SGCZ: variants seen among roughly 807,000 people sequenced by gnomAD.
SGCZ encodes the protein sarcoglycan zeta.
Under a neutral mutation model 41.3 loss-of-function variants are expected in SGCZ, and 40 were observed. The observed-to-expected ratio is 0.97, with a 90% CI of 0.75 to 1.26. The LOEUF (loss-of-function observed/expected upper bound fraction) is 1.26. SGCZ is among the 50% of genes most tolerant of loss of function. The pLI is 0.00. For missense variants in SGCZ, 552 were observed against 369.8 expected (o/e 1.49, Z -4.04); for synonymous variants, 206 against 137.5 (o/e 1.50, Z -3.49).
intron 1 of SGCZ, among the ~76,000 whole-genome samples, chr8:15,025,009 T>C (rs1387026975): frequency 6.6e-6 from 1 of 151,858 alleles, no homozygotes; most frequent in African/African-American, 2.4e-5. Context: ...AGCAAAGTCC[T>C]GAGCAAAGAT....
At chr8:14,455,244 A>G (rs1028074923) in intron 2 of SGCZ, among the ~76,000 whole-genome samples, 1 of 152,212 alleles carries the variant, frequency 6.6e-6, no homozygotes, top group Non-Finnish European at 1.5e-5. Flanking sequence ...ATAAATTAAT[A>G]TTTCAAAATG....
At chr8:14,230,393 C>T (rs2117146537) in intron 4 of SGCZ, among the ~76,000 whole-genome samples, 1 of 152,218 alleles carries the variant, frequency 6.6e-6, no homozygotes, top group African/African-American at 2.4e-5. Flanking sequence ...CAATACCTTA[C>T]TATATGTTAA....
chr8:14,410,992 A>G (rs1358827838), intron 2 of SGCZ, among the ~76,000 whole-genome samples: 3 of 152,152 alleles, frequency 2.0e-5, no homozygotes, highest in Non-Finnish European at 2.9e-5. Context: ...TTTAAAAACA[A>G]GATTCAGAAA....
At chr8:15,230,899 T>C (rs2117206657) in intron 1 of SGCZ, among the ~76,000 whole-genome samples, 1 of 152,332 alleles carries the variant, frequency 6.6e-6, no homozygotes, top group Non-Finnish European at 1.5e-5. Context: ...CGTGCAATGC[T>C]TGAGAATCCC....
intron 1 of SGCZ, among the ~76,000 whole-genome samples, chr8:15,097,824 ATATATATATACGTG>A (rs1806417139): frequency 5.1e-5 from 4 of 78,446 alleles, no homozygotes; most frequent in Admixed American, 3.1e-4. Flanking sequence ...ACGTGTGTGT[ATATATATATACGTG>A]TGTGTATATA....
Position 14,498,638 on chromosome 8 carries a change from C to A in SGCZ, c.234+56094G>T, listed in dbSNP as rs1315847136. Among the ~76,000 whole-genome samples the A allele has an allele frequency of 2.0e-5, 3 of 152,072 alleles. No homozygotes were observed. The East Asian group carries it at 5.8e-4, about 29-fold the overall frequency. Reference sequence around the variant, plus strand: ...ATTTCCTTTTAACTTTTTCTACATTCATGAGCTATTATTTTAGTGGTTATA... The same window carrying A: ...ATTTCCTTTTAACTTTTTCTACATTAATGAGCTATTATTTTAGTGGTTATA... On this transcript the variant is annotated intron_variant, in intron 2 of 7. Transcript: ENST00000382080.
At chr8:14,128,962 T>C (rs1802949199) in intron 5 of SGCZ, among the ~76,000 whole-genome samples, 1 of 151,998 alleles carries the variant, frequency 6.6e-6, no homozygotes, top group African/African-American at 2.4e-5. Flanking sequence ...AGGGATGAAA[T>C]CCTACCTATT....
At chr8:14,577,384 CT>C (rs57432939) in intron 1 of SGCZ, among the ~76,000 whole-genome samples, 4,227 of 111,766 alleles carry the variant, frequency 0.038, 121 homozygotes, top group African/African-American at 0.13. Context: ...AGAAATATAT[CT>C]TTTTTTTTTT....
At chr8:14,453,089 C>T (rs949505615) in intron 2 of SGCZ, among the ~76,000 whole-genome samples, 10 of 152,062 alleles carry the variant, frequency 6.6e-5, no homozygotes, top group African/African-American at 2.4e-4. Flanking sequence ...GCCTGGGTGA[C>T]AGAGCAAGAC....
intron 1 of SGCZ, among the ~76,000 whole-genome samples, chr8:14,590,859 A>G (rs955456343): frequency 8.1e-5 from 12 of 148,594 alleles, no homozygotes; most frequent in Non-Finnish European, 1.6e-4. Context: ...ATAATATGTC[A>G]TATATTATAA....
intron 1 of SGCZ, among the ~76,000 whole-genome samples, chr8:15,064,965 G>A (rs1324370816): frequency 6.6e-6 from 1 of 151,968 alleles, no homozygotes; most frequent in African/African-American, 2.4e-5. Flanking sequence ...ATTTTTTCCT[G>A]TGTCATTTCC....
At chr8:15,005,552 A>G (rs1198999021) in intron 1 of SGCZ, among the ~76,000 whole-genome samples, 1 of 124,546 alleles carries the variant, frequency 8.0e-6, no homozygotes, top group Non-Finnish European at 1.8e-5. Context: ...GCTGGTCTCG[A>G]ACTCCTGACC....
chr8:15,044,004 A>G (rs1338694764), intron 1 of SGCZ, among the ~76,000 whole-genome samples: 1 of 152,166 alleles, frequency 6.6e-6, no homozygotes, highest in Non-Finnish European at 1.5e-5. Flanking sequence ...TTCAATGCAG[A>G]GAACTCCAAA....
intron 1 of SGCZ, among the ~76,000 whole-genome samples, chr8:14,936,762 G>A (rs1800097322): frequency 6.6e-6 from 1 of 151,818 alleles, no homozygotes; most frequent in Admixed American, 6.6e-5. Flanking sequence ...AACAATGTCA[G>A]TGTTTGAAAA....
intron 1 of SGCZ, among the ~76,000 whole-genome samples, chr8:14,713,704 A>T (rs1420863276): frequency 6.6e-6 from 1 of 151,784 alleles, no homozygotes; most frequent in African/African-American, 2.4e-5. Context: ...AGAAAAAAAA[A>T]AAAGCTAAAG....
At chr8:14,700,325 G>A (rs1181956795) in intron 1 of SGCZ, among the ~76,000 whole-genome samples, 1 of 151,886 alleles carries the variant, frequency 6.6e-6, no homozygotes, top group Non-Finnish European at 1.5e-5. Flanking sequence ...TGCAGCTAGA[G>A]GCCATTATCT....
intron 1 of SGCZ, among the ~76,000 whole-genome samples, chr8:14,756,921 C>G (rs1327132194): frequency 6.6e-6 from 1 of 152,156 alleles, no homozygotes; most frequent in African/African-American, 2.4e-5. Context: ...ACAAATGGTG[C>G]TATTATAATC....
chr8:14,293,641 T>C (rs913908085), intron 3 of SGCZ, among the ~76,000 whole-genome samples: 1 of 151,928 alleles, frequency 6.6e-6, no homozygotes, highest in Non-Finnish European at 1.5e-5. Flanking sequence ...ATCTTCAAAC[T>C]AGTTAATGCA....
intron 3 of SGCZ, among the ~76,000 whole-genome samples, chr8:14,270,726 AC>A (rs1475887579): frequency 2.0e-5 from 3 of 152,182 alleles, no homozygotes; most frequent in Admixed American, 6.5e-5. Context: ...CTATTTCTAT[AC>A]ATCATTTCTT....
Sources: gnomAD v4.1 joint callset for allele counts (sites outside exome capture counted in the v4.1 genomes callset) on GRCh38, gnomAD v4.1.1 for gene constraint, MANE v1.5 for transcripts, NCBI Gene and HGNC (gene_info 2026-07-23, HGNC 2026-07-21) for gene names.